The following SLC5A11 variants were observed in gnomAD, a reference collection of about 807,000 sequenced individuals.
SLC5A11 encodes the protein solute carrier family 5 member 11.
In SLC5A11, 48 loss-of-function variants were observed where a neutral mutation model predicts 69.8. The ratio of observed to expected loss-of-function variants is 0.69; its 90% CI spans 0.55 to 0.87. The LOEUF is 0.87. Among genes scored for constraint, SLC5A11 ranks in the 40% least tolerant of loss-of-function variants. The probability of loss-of-function intolerance (pLI) is 0.00; values close to 1 mark genes in which losing one functional copy is unlikely to be tolerated. For synonymous variants in SLC5A11, 319 were observed against 342.4 expected, an observed-to-expected ratio of 0.93 and a Z score of 0.75; for missense variants, 784 against 866.1, an observed-to-expected ratio of 0.91 and a Z score of 1.19.
chr16:24,875,505 C>A (rs2047609878), intron 5 of SLC5A11, 122 bp from the exon 7 acceptor site: 2 of 751,490 alleles, frequency 2.7e-6, no homozygotes, highest in Non-Finnish European at 4.5e-6. Context: ...GGTTGAGAAT[C>A]CCAAGAAGAC....
exon 16 of SLC5A11, chr16:24,911,460 T>G (rs762608264): frequency 1.9e-6 from 3 of 1,614,108 alleles, no homozygotes; most frequent in Non-Finnish European, 2.5e-6. Flanking sequence ...AACCCCTTGG[T>G]GAAGACCCTC....
intron 10 of SLC5A11, 21 bp from the exon 12 acceptor site, chr16:24,906,636 G>C (rs762315038): frequency 6.3e-7 from 1 of 1,577,146 alleles, no homozygotes; most frequent in Non-Finnish European, 8.7e-7. Context: ...GCTCACCTCT[G>C]GGCCTGTGTT....
intron 1 of SLC5A11, among the ~76,000 whole-genome samples, chr16:24,852,450 G>A (rs1168808799): frequency 6.6e-6 from 1 of 152,146 alleles, no homozygotes; most frequent in African/African-American, 2.4e-5. Flanking sequence ...GCCAATAGGC[G>A]ACCTCAAGGG....
chr16:24,891,150 T>C, intron 9 of SLC5A11, 76 bp downstream of exon 10: 1 of 1,439,832 alleles, frequency 6.9e-7, no homozygotes, highest in South Asian at 1.2e-5. Context: ...CGGTGCTTTT[T>C]TCTTCCTCCA....
At chr16:24,890,116 T>C (rs1310214630) in intron 8 of SLC5A11, among the ~76,000 whole-genome samples, 1 of 152,138 alleles carries the variant, frequency 6.6e-6, no homozygotes, top group Non-Finnish European at 1.5e-5. Flanking sequence ...AATATCCTAA[T>C]GTCATACAGA....
chr16:24,856,477 G>T (rs1473912700), intron 1 of SLC5A11, among the ~76,000 whole-genome samples: 1 of 151,588 alleles, frequency 6.6e-6, no homozygotes, highest in African/African-American at 2.4e-5. Flanking sequence ...AAATAGGCCG[G>T]GCGCAGTGGC....
intron 1 of SLC5A11, among the ~76,000 whole-genome samples, chr16:24,856,712 A>G (rs955242230): frequency 6.7e-6 from 1 of 150,250 alleles, no homozygotes; most frequent in Middle Eastern, 3.5e-3. Context: ...CAGAGCTTGT[A>G]GTGAGCCGAG....
chr16:24,858,952 C>T (rs2059649710), intron 2 of SLC5A11, among the ~76,000 whole-genome samples, 174 bp downstream of exon 3: 1 of 152,188 alleles, frequency 6.6e-6, no homozygotes, highest in Non-Finnish European at 1.5e-5. Flanking sequence ...TGGGTGTGGA[C>T]TATTGTCAGA....
rs533478983 is a variant in SLC5A11, at chr16:24,903,770, A to T, written c.1007-2887A>T. ...TCTTTACCCATTCATCTGTTGACAG[A>T]CACTGAGGTTGATTCCATATGTTGG... On this transcript the variant is annotated intron_variant, in intron 10 of 15. Transcript: ENST00000347898. 4.6e-5 allele frequency among the ~76,000 whole-genome samples: 7 copies of T among 152,344 alleles called. No individual in the cohort carries two copies. The East Asian group carries it at 1.2e-3, about 25-fold the overall frequency.
chr16:24,891,853 A>G (rs527668913), intron 9 of SLC5A11, among the ~76,000 whole-genome samples: 6 of 152,110 alleles, frequency 3.9e-5, no homozygotes, highest in Admixed American at 3.9e-4. Flanking sequence ...CGGAGATAAT[A>G]AGTAAATTAT....
intron 2 of SLC5A11, among the ~76,000 whole-genome samples, chr16:24,860,093 C>T (rs894979383): frequency 3.3e-5 from 5 of 152,168 alleles, no homozygotes; most frequent in Admixed American, 2.6e-4. Flanking sequence ...TGAGACGAGC[C>T]TGGCCAATGT....
chr16:24,872,353 A>C, intron 5 of SLC5A11, 134 bp downstream of exon 6: 1 of 992,582 alleles, frequency 1.0e-6, no homozygotes, highest in Non-Finnish European at 1.6e-6. Flanking sequence ...CAGAGGCCCC[A>C]GTAAAGGGGA....
intron 1 of SLC5A11, among the ~76,000 whole-genome samples, chr16:24,852,840 T>C (rs898047516): frequency 5.4e-5 from 3 of 55,056 alleles, no homozygotes; most frequent in African/African-American, 5.1e-4. Context: ...GGCACATAGC[T>C]GATGCCTAAT....
chr16:24,852,582 C>T (rs1271213423), intron 1 of SLC5A11, among the ~76,000 whole-genome samples: 1 of 152,134 alleles, frequency 6.6e-6, no homozygotes, highest in Non-Finnish European at 1.5e-5. Context: ...ACCACCCCAA[C>T]CAGACCCTCC....
At position 24,858,792 on chromosome 16, in the gene SLC5A11, C is replaced by T. The variant is rs759864141; in HGVS notation, c.135+14C>T. The T allele has an allele frequency of 6.2e-7, 1 of 1,606,210 alleles. No individual in the cohort carries two copies. The highest frequency in any genetic ancestry group is 8.5e-7 in the Non-Finnish European group (1 of 1,176,032). On this transcript the variant is annotated intron_variant, in intron 2 of 15. Transcript: ENST00000347898. ...GTTGGACTATGGGTAAGCCAGGCCA[C>T]TGGGGGATGGGGGATGAAGAGAGAA...
At chr16:24,884,953 G>A (rs2048303865) in intron 8 of SLC5A11, among the ~76,000 whole-genome samples, 1 of 151,906 alleles carries the variant, frequency 6.6e-6, no homozygotes, top group South Asian at 2.1e-4. Flanking sequence ...ATGTTGCCCA[G>A]GCTGGTTTCA....
At chr16:24,853,511 G>A (rs1163704942) in intron 1 of SLC5A11, among the ~76,000 whole-genome samples, 1 of 151,564 alleles carries the variant, frequency 6.6e-6, no homozygotes, top group Non-Finnish European at 1.5e-5. Flanking sequence ...GGCCTGGCAT[G>A]GAGCCTGGCA....
At position 24,858,705 on chromosome 16, in the gene SLC5A11, A is replaced by T. The variant is rs770672372; in HGVS notation, c.62A>T (p.Gln21Leu). 10 of 1,612,002 alleles carry T rather than the reference A, an allele frequency of 6.2e-6. No homozygotes were observed. The Middle Eastern group carries it at 6.2e-4, about 100-fold the overall frequency. The stretch of plus-strand genomic sequence containing the variant: ...TTAGATCCCCTGGATGCGTTTCCCC[A>T]GAAGGGCTTGGAGCCTGGGGACATC... The change falls in exon 2 of 16, where the codon CAG (glutamine) becomes CTG (leucine). Residue 21 changes from glutamine to leucine, a missense_variant. Around this residue, in one of 3 missense-constraint regions of SLC5A11, gnomAD observed 133 missense variants for 107.4 expected, o/e 1.24. Coordinates refer to ENST00000347898, the Ensembl canonical transcript of SLC5A11.
At chr16:24,877,492 CT>C in intron 7 of SLC5A11, 129 bp downstream of exon 8, 1 of 632,524 alleles carries the variant, frequency 1.6e-6, no homozygotes. Flanking sequence ...AACGTCACTC[CT>C]TTACCCTAGA....
Sources: allele counts gnomAD v4.1 joint callset (sites outside exome capture counted in the v4.1 genomes callset), GRCh38; gene constraint gnomAD v4.1.1; regional missense constraint gnomAD v4.1.1; transcripts MANE v1.5; gene names NCBI Gene and HGNC (gene_info 2026-07-23, HGNC 2026-07-21).